Variants in LGSN observed in about 807,000 individuals in gnomAD.
The protein encoded by LGSN is lengsin.
In LGSN, 21 loss-of-function variants were observed where a neutral mutation model predicts 19.5. That is an observed-to-expected ratio of 1.07 (90% CI 0.76 to 1.55). LGSN has a LOEUF of 1.55. Among genes scored for constraint, LGSN ranks in the 40% most tolerant of loss-of-function variants. The pLI, the probability that LGSN is intolerant of heterozygous loss-of-function variation, is 0.00. For missense variants in LGSN, 673 were observed against 608.5 expected (o/e 1.11, Z -1.12); for synonymous variants, 257 against 215.6 (o/e 1.19, Z -1.68).
At chr6:63,497,987 C>G in the LGSN span, among the ~76,000 whole-genome samples, 1 of 139,808 alleles carries the variant, frequency 7.2e-6, no homozygotes, top group African/African-American at 2.8e-5. Context: ...GACACAACCT[C>G]AGCTCACTGC....
At chr6:63,378,752 C>T in the LGSN span, among the ~76,000 whole-genome samples, 33 of 152,302 alleles carry the variant, frequency 2.2e-4, no homozygotes, top group African/African-American at 7.9e-4. Context: ...CCACCCCATG[C>T]TGACAGAGCA....
the LGSN span, among the ~76,000 whole-genome samples, chr6:63,359,984 A>G: frequency 1.3e-4 from 20 of 152,210 alleles, no homozygotes; most frequent in African/African-American, 4.6e-4. Flanking sequence ...AATGTTGAAT[A>G]TTGGCCCCCA....
the LGSN span, among the ~76,000 whole-genome samples, chr6:63,483,368 C>CTTT: frequency 1.4e-5 from 2 of 143,636 alleles, no homozygotes; most frequent in Middle Eastern, 3.6e-3. Context: ...AAAGGAAGCT[C>CTTT]TTTTTTTTTT....
At chr6:63,555,522 GCAAT>G in the LGSN span, among the ~76,000 whole-genome samples, 35 of 152,080 alleles carry the variant, frequency 2.3e-4, no homozygotes, top group Middle Eastern at 3.4e-3. Flanking sequence ...AGCTGCTGCT[GCAAT>G]CATAGTTCTT....
the LGSN span, among the ~76,000 whole-genome samples, chr6:63,496,780 GT>G: frequency 6.6e-6 from 1 of 151,594 alleles, no homozygotes; most frequent in South Asian, 2.1e-4. Context: ...ATCCTATGAG[GT>G]AGGTACTACT....
At chr6:63,348,375 A>C in the LGSN span, among the ~76,000 whole-genome samples, 5 of 152,072 alleles carry the variant, frequency 3.3e-5, no homozygotes, top group Admixed American at 1.3e-4. Context: ...AATTGCTTGA[A>C]TCCAGGAGGC....
the LGSN span, among the ~76,000 whole-genome samples, chr6:63,456,351 A>ATATG: frequency 3.8e-4 from 2 of 5,296 alleles, no homozygotes; most frequent in South Asian, 0.012. Flanking sequence ...GCAGAAATAT[A>ATATG]CATATATATA....
chr6:63,281,533 G>C (rs988713416), intron 3 of LGSN, among the ~76,000 whole-genome samples: 1 of 151,558 alleles, frequency 6.6e-6, no homozygotes, highest in African/African-American at 2.4e-5. Context: ...ATCCGTTACA[G>C]CAAAAAACAA....
At chr6:63,466,126 C>T in the LGSN span, among the ~76,000 whole-genome samples, 1 of 152,214 alleles carries the variant, frequency 6.6e-6, no homozygotes, top group Admixed American at 6.5e-5. Flanking sequence ...TCTTGAACTC[C>T]TGGCCTCAAG....
chr6:63,455,945 AAGAGCC>A, the LGSN span, among the ~76,000 whole-genome samples: 1,079 of 150,676 alleles, frequency 7.2e-3, 19 homozygotes, highest in South Asian at 0.055. Flanking sequence ...TATTAAAAAC[AAGAGCC>A]AGGTGCAGTG....
the LGSN span, among the ~76,000 whole-genome samples, chr6:63,379,385 C>A: frequency 1.3e-5 from 2 of 152,138 alleles, no homozygotes; most frequent in African/African-American, 4.8e-5. Context: ...AGCAGACATC[C>A]AGTGCCATCA....
At chr6:63,567,447 T>C in the LGSN span, among the ~76,000 whole-genome samples, 9 of 152,338 alleles carry the variant, frequency 5.9e-5, no homozygotes, top group Admixed American at 1.3e-4. Context: ...ATGTGCATTG[T>C]CAAGGAGCAA....
the LGSN span, among the ~76,000 whole-genome samples, chr6:63,501,885 C>A: frequency 6.6e-6 from 1 of 152,188 alleles, no homozygotes; most frequent in Non-Finnish European, 1.5e-5. Flanking sequence ...CATCCTCAAA[C>A]TCCCAGTTTA....
intron 1 of LGSN, 27 bp from the exon 2 acceptor site, chr6:63,295,072 C>A: frequency 6.2e-7 from 1 of 1,600,640 alleles, no homozygotes. Flanking sequence ...AACAAAAAGC[C>A]AAATAACAGA....
chr6:63,355,815 A>G, the LGSN span, among the ~76,000 whole-genome samples: 1 of 152,150 alleles, frequency 6.6e-6, no homozygotes, highest in Non-Finnish European at 1.5e-5. Flanking sequence ...AGTAGCTTGG[A>G]TTACAACATG....
At chr6:63,317,494 T>C (rs1768909993) in intron 1 of LGSN, among the ~76,000 whole-genome samples, 1 of 152,178 alleles carries the variant, frequency 6.6e-6, no homozygotes, top group Non-Finnish European at 1.5e-5. Flanking sequence ...GGAGAGCTAG[T>C]TGATACACTG....
At chr6:63,558,921 C>T in the LGSN span, among the ~76,000 whole-genome samples, 2 of 152,200 alleles carry the variant, frequency 1.3e-5, no homozygotes, top group South Asian at 4.2e-4. Flanking sequence ...AGATAATGCT[C>T]CTAAAGTGTC....
chr6:63,300,546 G>C (rs1230747207), intron 1 of LGSN, among the ~76,000 whole-genome samples: 2 of 151,960 alleles, frequency 1.3e-5, no homozygotes, highest in African/African-American at 4.8e-5. Flanking sequence ...TGTGCCTGTA[G>C]TCCCAGCTAC....
At chr6:63,442,999 G>A in the LGSN span, among the ~76,000 whole-genome samples, 4 of 152,216 alleles carry the variant, frequency 2.6e-5, no homozygotes, top group Non-Finnish European at 5.9e-5. Flanking sequence ...TGGAGCAGGC[G>A]GCGGTGCCCG....
Sources: gnomAD v4.1 joint callset for allele counts (sites outside exome capture counted in the v4.1 genomes callset) on GRCh38, gnomAD v4.1.1 for gene constraint, MANE v1.5 for transcripts, NCBI Gene and HGNC (gene_info 2026-07-23, HGNC 2026-07-21) for gene names.